Variants in YTHDF3 observed in about 807,000 individuals in gnomAD.
YTHDF3 encodes YTH domain-containing family protein 3.
Under a neutral mutation model 52.5 loss-of-function variants are expected in YTHDF3, and 9 were observed. The observed-to-expected ratio is 0.17, with a 90% CI of 0.10 to 0.30. The LOEUF is 0.30. YTHDF3 is among the 10% of genes least tolerant of loss of function. The probability of loss-of-function intolerance (pLI) is 1.00; values close to 1 mark genes in which losing one functional copy is unlikely to be tolerated. For synonymous variants in YTHDF3, 274 were observed against 243.3 expected (o/e 1.13, Z -1.18); for missense variants, 534 against 715.0 (o/e 0.75, Z 2.89).
At chr8:63,197,651 A>G (rs1163601404) in intron 4 of YTHDF3, among the ~76,000 whole-genome samples, 3 of 152,228 alleles carry the variant, frequency 2.0e-5, no homozygotes, top group African/African-American at 4.8e-5. Context: ...TCAATGTGAT[A>G]TGGTAAATTA....
chr8:63,209,242 T>G (rs1366411839), intron 4 of YTHDF3, among the ~76,000 whole-genome samples: 3 of 152,222 alleles, frequency 2.0e-5, no homozygotes, highest in Non-Finnish European at 4.4e-5. Context: ...TCTTTGTGAT[T>G]TAAAGTTTTT....
chr8:63,204,321 A>G (rs1203559039), intron 4 of YTHDF3, among the ~76,000 whole-genome samples: 1 of 151,598 alleles, frequency 6.6e-6, no homozygotes, highest in Admixed American at 6.6e-5. Flanking sequence ...TCAATTTGAA[A>G]ATCAAGATTC....
chr8:63,176,523 G>A (rs79242004), intron 3 of YTHDF3, among the ~76,000 whole-genome samples: 9,172 of 151,912 alleles, frequency 0.06, 431 homozygotes, highest in East Asian at 0.18. Flanking sequence ...CTCATGATCC[G>A]CCCGCCTCGG....
chr8:63,188,607 G>C (rs1389490717), intron 4 of YTHDF3: 3 of 143,610 alleles, frequency 2.1e-5, no homozygotes, highest in Non-Finnish European at 4.5e-5. Flanking sequence ...TTACAGTCCT[G>C]AGTCACTGCA....
intron 3 of YTHDF3, among the ~76,000 whole-genome samples, chr8:63,179,951 G>T (rs1171817790): frequency 1.3e-5 from 2 of 150,928 alleles, no homozygotes; most frequent in Non-Finnish European, 3.0e-5. Flanking sequence ...CCTCCCGGAC[G>T]GGGCGGCTGG....
chr8:63,179,919 G>A lies in YTHDF3; in HGVS notation c.135+4503G>A, dbSNP rs560229654. 2.8e-3 allele frequency among the ~76,000 whole-genome samples: 431 copies of A among 151,742 alleles called. 4 individuals are homozygous for A. Among genetic ancestry groups the A allele is most frequent in the African/African-American group, 9.8e-3 (408 of 41,432 alleles). On this transcript the variant is annotated intron_variant, in intron 3 of 4. Transcript: ENST00000539294. ...GGGCTCCTCACTTCCCAGTAGGGGCGGCCGGGCAGAGGCACCCCTCACCTC... is the reference window on the plus strand; with the variant it reads ...GGGCTCCTCACTTCCCAGTAGGGGCAGCCGGGCAGAGGCACCCCTCACCTC...
rs1563420309 is a variant in YTHDF3, at chr8:63,212,768, A to C, written c.*3062A>C. The C allele has an allele frequency of 6.6e-6, 1 of 152,622 alleles. No homozygotes were observed. Among genetic ancestry groups the C allele is most frequent in the Non-Finnish European group, 1.5e-5 (1 of 68,026 alleles). 9.5% of individuals were successfully genotyped at this position (152,622 alleles called of 1,614,324 possible). A position where few individuals can be genotyped will look rare whatever the true frequency, so the allele number is the denominator to read the frequency against. ...GTCCTCTTTAATCTTTGAGGGTTTC[A>C]ATAAAAATTGTTCACTCATATCTGT... is the stretch of plus-strand genomic sequence containing the variant. On this transcript the variant is annotated 3_prime_UTR_variant, in exon 5 of 5. Transcript: ENST00000539294.
At chr8:63,209,643 T>C (rs1563416853) in intron 4 of YTHDF3, 40 bp from the exon 5 acceptor site, 1 of 1,529,590 alleles carries the variant, frequency 6.5e-7, no homozygotes, top group Admixed American at 2.1e-5. Context: ...GAGTTTTTCA[T>C]TGTAATTCTT....
intron 4 of YTHDF3, among the ~76,000 whole-genome samples, chr8:63,198,169 T>C (rs1158771304): frequency 6.6e-6 from 1 of 152,200 alleles, no homozygotes; most frequent in Non-Finnish European, 1.5e-5. Flanking sequence ...TGTGTGTATT[T>C]TAGTTCTTTA....
chr8:63,202,289 GT>G (rs1809689538), intron 4 of YTHDF3, among the ~76,000 whole-genome samples: 1 of 152,098 alleles, frequency 6.6e-6, no homozygotes, highest in Non-Finnish European at 1.5e-5. Flanking sequence ...GAATTGGTTT[GT>G]TTCCTTTACA....
At position 63,178,599 on chromosome 8, in the gene YTHDF3, C is replaced by T. The variant is rs147310192; in HGVS notation, c.135+3183C>T. Among the ~76,000 whole-genome samples, 11 of 152,282 alleles carry T rather than the reference C, an allele frequency of 7.2e-5. No individual in the cohort carries two copies. The East Asian group carries it at 2.1e-3, about 29-fold the overall frequency. On this transcript the variant is annotated intron_variant, in intron 3 of 4. Coordinates refer to ENST00000539294, the MANE Select transcript of YTHDF3 (RefSeq NM_152758.6). Reference sequence around the variant, plus strand: ...GTTGTAAAGTTTGATTCCAGTAAGGCCTGTTCTACCTCTCCTTTGTGGTAC... The same window carrying T: ...GTTGTAAAGTTTGATTCCAGTAAGGTCTGTTCTACCTCTCCTTTGTGGTAC...
chr8:63,187,367 C>T lies in YTHDF3; in HGVS notation c.1356C>T (p.Tyr452=). 3 of 1,613,996 alleles carry T rather than the reference C, an allele frequency of 1.9e-6. No individual in the cohort carries two copies. Among genetic ancestry groups the T allele is most frequent in the Non-Finnish European group, 2.5e-6 (3 of 1,179,896 alleles). ...GTAATAAGCGTTTGGATGCAGCTTA[C>T]CGTTCCCTGAATGGGAAAGGCCCAC... ...EHGNKRLDAA[Y]RSLNGKGPLY... is the part of the protein sequence containing the mutation. The change falls in exon 4 of 5, where the codon TAC becomes TAT. Residue 452 remains tyrosine (Y), a synonymous_variant. Coordinates refer to ENST00000539294, the MANE Select transcript of YTHDF3 (RefSeq NM_152758.6).
At chr8:63,209,067 C>T (rs1810216550) in intron 4 of YTHDF3, among the ~76,000 whole-genome samples, 1 of 150,124 alleles carries the variant, frequency 6.7e-6, no homozygotes, top group South Asian at 2.1e-4. Context: ...GGGGTTTCAT[C>T]ATGTTGGTCA....
In YTHDF3 at chr8:63,168,720, TC is replaced by T; in HGVS notation, c.-155del. The stretch of plus-strand genomic sequence containing the variant: ...GAAAAGACGGGCCTCTTCCTCCGAC[TC>T]CCGAGCGCGAGGCCCTCATTTTGGG... On this transcript the variant is annotated 5_prime_UTR_variant, in exon 1 of 5. Transcript: ENST00000539294. 7.0e-7 allele frequency: 1 copy of T among 1,427,668 alleles called. No individual in the cohort carries two copies. Among genetic ancestry groups the T allele is most frequent in the Non-Finnish European group, 9.6e-7 (1 of 1,045,966 alleles). 88.4% of individuals were successfully genotyped at this position (1,427,668 alleles called of 1,614,324 possible).
rs981475969 is a variant in YTHDF3, at chr8:63,170,711, A to G, written c.49+1300A>G. Among the ~76,000 whole-genome samples, 8 of 152,270 alleles carry G rather than the reference A, an allele frequency of 5.3e-5. No individual in the cohort carries two copies. In the East Asian group the frequency reaches 1.5e-3, roughly 29 times the overall value. On this transcript the variant is annotated intron_variant, in intron 2 of 4. Transcript: ENST00000539294. ...ACTTGGAGATTGTGAAATTGTGGTC[A>G]TTATTGCCTAGCATAAATTATTTTA...
chr8:63,201,330 G>A (rs1324926246), intron 4 of YTHDF3, among the ~76,000 whole-genome samples: 2 of 151,956 alleles, frequency 1.3e-5, no homozygotes, highest in Admixed American at 6.6e-5. Context: ...TCGAGACCAC[G>A]CTGGCCAACA....
At chr8:63,179,227 T>C (rs1389526588) in intron 3 of YTHDF3, among the ~76,000 whole-genome samples, 1 of 152,110 alleles carries the variant, frequency 6.6e-6, no homozygotes, top group Non-Finnish European at 1.5e-5. Context: ...TCATTTCTTT[T>C]TTTTTTTTTT....
intron 4 of YTHDF3, among the ~76,000 whole-genome samples, chr8:63,206,419 TATG>T (rs1585791045): frequency 6.6e-6 from 1 of 152,200 alleles, no homozygotes; most frequent in East Asian, 1.9e-4. Flanking sequence ...GGGGAGAGGG[TATG>T]ATACCACTCT....
At chr8:63,172,776 A>G in intron 2 of YTHDF3, 3 of 1,231,536 alleles carry the variant, frequency 2.4e-6, no homozygotes, top group Non-Finnish European at 3.0e-6. Flanking sequence ...TTCATAGAGC[A>G]GAGGAAACAG....
Sources: gnomAD v4.1 joint callset for allele counts (sites outside exome capture counted in the v4.1 genomes callset) on GRCh38, gnomAD v4.1.1 for gene constraint, MANE v1.5 for transcripts, NCBI Gene and HGNC (gene_info 2026-07-23, HGNC 2026-07-21) for gene names.